Variants in TRHDE observed in about 807,000 individuals in gnomAD.
TRHDE encodes thyrotropin-releasing hormone-degrading ectoenzyme.
Under a neutral mutation model 125.7 loss-of-function variants are expected in TRHDE, and 72 were observed. That is an observed-to-expected ratio of 0.57 (90% CI 0.47 to 0.70). The LOEUF is 0.70. Among genes scored for constraint, TRHDE ranks in the 30% least tolerant of loss-of-function variants. The probability of loss-of-function intolerance (pLI) is 0.00; values close to 1 mark genes in which losing one functional copy is unlikely to be tolerated. For missense variants in TRHDE, 1,110 were observed against 1,327.1 expected (o/e 0.84, Z 2.54); for synonymous variants, 509 against 509.1 (o/e 1.00, Z 0.00).
At chr12:72,493,972 C>T (rs866311568) in intron 5 of TRHDE, among the ~76,000 whole-genome samples, 3 of 152,108 alleles carry the variant, frequency 2.0e-5, no homozygotes, top group Middle Eastern at 3.4e-3. Flanking sequence ...CATTTGTTTT[C>T]GCCTTTGTTC....
rs566150966 is a variant in TRHDE at position 72,117,109 on chromosome 12, C to G, written n.279+11357C>G. Among the ~76,000 whole-genome samples, 4 of 151,954 alleles carry G rather than the reference C, an allele frequency of 2.6e-5. No homozygotes were observed. In the South Asian group the frequency reaches 8.3e-4, roughly 32 times the overall value. ...TTAGCTGAACGTAATCCCATTTTTC[C>G]ATTTTTTCATTGGTTGCCTGTGCTT... On this transcript the variant is annotated intron_variant and non_coding_transcript_variant, in intron 2 of 4. Coordinates refer to the TRHDE transcript ENST00000548156.
At chr12:72,321,593 C>T (rs888768440) in intron 2 of TRHDE, among the ~76,000 whole-genome samples, 2 of 152,108 alleles carry the variant, frequency 1.3e-5, no homozygotes, top group Non-Finnish European at 2.9e-5. Flanking sequence ...AGTAAAGGTG[C>T]GTTTATTTTA....
chr12:72,379,609 T>A (rs571647276), intron 3 of TRHDE, among the ~76,000 whole-genome samples: 1 of 152,288 alleles, frequency 6.6e-6, no homozygotes, highest in African/African-American at 2.4e-5. Flanking sequence ...TCTTTATTTG[T>A]CCCCTTCAGA....
At chr12:72,350,608 G>A (rs930247340) in intron 2 of TRHDE, among the ~76,000 whole-genome samples, 4 of 151,870 alleles carry the variant, frequency 2.6e-5, no homozygotes, top group Non-Finnish European at 4.4e-5. Context: ...AGGTGGTTGG[G>A]ATGGCTTGTT....
intron 2 of TRHDE, among the ~76,000 whole-genome samples, chr12:72,363,667 C>G (rs1461344500): frequency 6.6e-6 from 1 of 152,050 alleles, no homozygotes; most frequent in Admixed American, 6.6e-5. Context: ...CAATATCGTA[C>G]TGAATGGGCA....
chr12:72,107,986 C>T (rs537504945), intron 2 of TRHDE, among the ~76,000 whole-genome samples: 19 of 152,140 alleles, frequency 1.2e-4, no homozygotes, highest in Admixed American at 7.2e-4. Flanking sequence ...CTGCTTTCCT[C>T]GGGTGTTTTT....
Position 72,360,601 on chromosome 12 carries a change from G to A in TRHDE, c.1189-17394G>A, listed in dbSNP as rs866267784. Among the ~76,000 whole-genome samples, 67 of 151,822 alleles carry A rather than the reference G, an allele frequency of 4.4e-4. 1 individual carries two copies. The highest frequency in any genetic ancestry group is 1.6e-3 in the African/African-American group (65 of 41,474). Reference sequence around the variant, plus strand: ...AAAATAGAATTTTGGTGAGGATGTGGGGAAGCAGGGCTTGTACTGGTAAGA... The same window carrying A: ...AAAATAGAATTTTGGTGAGGATGTGAGGAAGCAGGGCTTGTACTGGTAAGA... On this transcript the variant is annotated intron_variant, in intron 2 of 18. Transcript: ENST00000261180.
At chr12:72,268,346 G>A (rs933640896), upstream of TRHDE, among the ~76,000 whole-genome samples, 4 of 151,858 alleles carry the variant, frequency 2.6e-5, no homozygotes, top group Non-Finnish European at 5.9e-5. Context: ...ATTATTTTTT[G>A]CTTCTCATGA....
intron 2 of TRHDE, among the ~76,000 whole-genome samples, chr12:72,265,333 G>A (rs1355062196): frequency 2.0e-5 from 3 of 151,904 alleles, no homozygotes; most frequent in Non-Finnish European, 2.9e-5. Flanking sequence ...CACTTGGAGA[G>A]TAACTTCTGA....
intron 17 of TRHDE, among the ~76,000 whole-genome samples, chr12:72,656,379 T>C (rs1874710293): frequency 6.6e-6 from 1 of 152,150 alleles, no homozygotes; most frequent in South Asian, 2.1e-4. Flanking sequence ...TGAGAATGTA[T>C]TTTGCATCAG....
At chr12:72,104,437 C>T (rs570912308) in intron 1 of TRHDE, among the ~76,000 whole-genome samples, 1 of 152,214 alleles carries the variant, frequency 6.6e-6, no homozygotes, top group South Asian at 2.1e-4. Context: ...CCTTGATAAG[C>T]TCTAAATTAA....
intron 6 of TRHDE, among the ~76,000 whole-genome samples, chr12:72,535,411 A>G (rs1868804627): frequency 6.6e-6 from 1 of 152,090 alleles, no homozygotes; most frequent in Non-Finnish European, 1.5e-5. Flanking sequence ...ACAGTGAAAT[A>G]ATTCAGCTAT....
At position 72,618,701 on chromosome 12, in the gene TRHDE, C is replaced by G. The variant is rs1404419879; in HGVS notation, c.2322-190C>G. On this transcript the variant is annotated intron_variant, in intron 12 of 18. Coordinates refer to ENST00000261180, the MANE Select transcript of TRHDE (RefSeq NM_013381.3). The stretch of plus-strand genomic sequence containing the variant: ...TATTCGTAAATTTTTAACTGTCCAA[C>G]TCTGCATATATTAAGGTGGCACTGG... Among the ~76,000 whole-genome samples the G allele has an allele frequency of 2.0e-5, 3 of 152,126 alleles. No homozygotes were observed. In the East Asian group the frequency reaches 5.8e-4, roughly 29 times the overall value.
At chr12:72,456,541 G>C (rs544646617) in intron 3 of TRHDE, among the ~76,000 whole-genome samples, 2 of 152,180 alleles carry the variant, frequency 1.3e-5, no homozygotes, top group South Asian at 4.2e-4. Flanking sequence ...GTAGTCTCCT[G>C]TTGCAAGTGT....
chr12:72,220,102 G>T (rs528024432), intron 2 of TRHDE, among the ~76,000 whole-genome samples: 1 of 152,256 alleles, frequency 6.6e-6, no homozygotes, highest in East Asian at 1.9e-4. Context: ...AGGGTAGTTA[G>T]ATCAGTTTAG....
intron 2 of TRHDE, among the ~76,000 whole-genome samples, chr12:72,226,902 G>A (rs1878139507): frequency 6.6e-6 from 1 of 152,128 alleles, no homozygotes; most frequent in African/African-American, 2.4e-5. Context: ...ACATCAATAA[G>A]CTACTTGAAC....
At chr12:72,112,564 G>C (rs1566222676) in intron 2 of TRHDE, among the ~76,000 whole-genome samples, 2 of 152,090 alleles carry the variant, frequency 1.3e-5, no homozygotes, top group Admixed American at 6.6e-5. Context: ...AATTCCTGAT[G>C]ATAATAGCCC....
At chr12:72,463,517 A>T (rs1038004030) in intron 3 of TRHDE, among the ~76,000 whole-genome samples, 35 of 152,194 alleles carry the variant, frequency 2.3e-4, no homozygotes, top group Non-Finnish European at 1.5e-4. Flanking sequence ...AAGTAGGACA[A>T]TTGATAACTA....
chr12:72,272,585 C>A lies in TRHDE; in HGVS notation c.-59C>A. The stretch of plus-strand genomic sequence containing the variant: ...TCCGATGCCTGCTCTGGCTGTGGCC[C>A]GGGTGGCCCGCCCGCGGGGGGTGCC... On this transcript the variant is annotated 5_prime_UTR_variant, in exon 1 of 19. Coordinates refer to ENST00000261180, the MANE Select transcript of TRHDE (RefSeq NM_013381.3). This position sits in a 1 kb window ranked among gnomAD's most constrained non-coding sequence, Gnocchi z 6.7. 1.5e-6 allele frequency: 1 copy of A among 672,028 alleles called. No individual in the cohort carries two copies. Among genetic ancestry groups the A allele is most frequent in the Non-Finnish European group, 2.4e-6 (1 of 414,208 alleles). The allele number at this position is 672,028 out of a possible 1,614,324, so 41.6% of individuals were successfully genotyped here.
Sources: allele counts gnomAD v4.1 joint callset (sites outside exome capture counted in the v4.1 genomes callset), GRCh38; gene constraint gnomAD v4.1.1; non-coding constraint Gnocchi (gnomAD v3.1); transcripts MANE v1.5; gene names NCBI Gene and HGNC (gene_info 2026-07-23, HGNC 2026-07-21).